The following NUDCD1 variants were observed in gnomAD, a reference collection of about 807,000 sequenced individuals.
The protein encoded by NUDCD1 is NudC domain containing 1.
In NUDCD1, 60 loss-of-function variants were observed where a neutral mutation model predicts 67.8. That is an observed-to-expected ratio of 0.88 (90% CI 0.72 to 1.10). The LOEUF is 1.10. NUDCD1 is among the 50% of genes least tolerant of loss of function. The probability of loss-of-function intolerance (pLI) is 0.00; values close to 1 mark genes in which losing one functional copy is unlikely to be tolerated. For missense variants in NUDCD1, 643 were observed against 695.0 expected, an observed-to-expected ratio of 0.93 and a Z score of 0.84; for synonymous variants, 244 against 230.8, an observed-to-expected ratio of 1.06 and a Z score of -0.52.
intron 2 of NUDCD1, chr8:109,298,658 G>A (rs1353990209): frequency 6.6e-6 from 1 of 151,974 alleles, no homozygotes; most frequent in Non-Finnish European, 1.5e-5. Context: ...TATAACCCAG[G>A]GCTAATATGT....
chr8:109,318,567 G>A (rs73700854), intron 2 of NUDCD1, among the ~76,000 whole-genome samples: 6,843 of 152,132 alleles, frequency 0.045, 516 homozygotes, highest in African/African-American at 0.15. Flanking sequence ...AGTAGAACAT[G>A]GGGCTAGCAA....
At chr8:109,250,598 G>A (rs906840799) in intron 8 of NUDCD1, among the ~76,000 whole-genome samples, 1 of 152,170 alleles carries the variant, frequency 6.6e-6, no homozygotes, top group Non-Finnish European at 1.5e-5. Context: ...CTTTTACCAT[G>A]AAGTATGGTG....
chr8:109,297,053 T>C (rs1814861398), intron 2 of NUDCD1, among the ~76,000 whole-genome samples: 1 of 152,224 alleles, frequency 6.6e-6, no homozygotes, highest in South Asian at 2.1e-4. Flanking sequence ...CCACCTGAAC[T>C]ACTCCCTGAT....
intron 1 of NUDCD1, among the ~76,000 whole-genome samples, chr8:109,326,156 G>C (rs1202225967): frequency 6.6e-6 from 1 of 152,170 alleles, no homozygotes; most frequent in African/African-American, 2.4e-5. Context: ...GGGCAATCCT[G>C]AACAAACTGG....
intron 9 of NUDCD1, 67 bp downstream of exon 9, chr8:109,245,255 T>G: frequency 6.9e-7 from 1 of 1,449,130 alleles, no homozygotes. Context: ...AAAAAAGAAA[T>G]GAACTTTAAA....
Position 109,242,136 on chromosome 8 carries a change from C to T in NUDCD1, c.*873G>A, listed in dbSNP as rs1184082976. ...CCATCCGCTGTCAGCTTGTGTAGTC[C>T]CCTCATTCTGACTCTAGACTTGGCC... On this transcript the variant is annotated 3_prime_UTR_variant, in exon 10 of 10. Coordinates refer to ENST00000239690, the MANE Select transcript of NUDCD1 (RefSeq NM_032869.4). The T allele has an allele frequency of 7.5e-6, 3 of 397,884 alleles. No homozygotes were observed. The highest frequency in any genetic ancestry group is 2.1e-5 in the African/African-American group (1 of 48,532). The allele number at this position is 397,884 out of a possible 1,614,324, so 24.6% of individuals were successfully genotyped here.
chr8:109,280,583 C>T (rs1249502386), intron 6 of NUDCD1, among the ~76,000 whole-genome samples: 1 of 152,162 alleles, frequency 6.6e-6, no homozygotes, highest in Non-Finnish European at 1.5e-5. Flanking sequence ...ACTTCTCACT[C>T]TACATCCTTT....
chr8:109,243,346 C>T, intron 9 of NUDCD1, 45 bp from the exon 10 acceptor site: 1 of 1,424,962 alleles, frequency 7.0e-7, no homozygotes, highest in South Asian at 1.4e-5. Flanking sequence ...ATATATTAAA[C>T]AGAAGGGGAA....
Position 109,261,400 on chromosome 8 carries a change from C to T in NUDCD1, c.1299+9605G>A, listed in dbSNP as rs189246575. Among the ~76,000 whole-genome samples, 50 of 151,996 alleles carry T rather than the reference C, an allele frequency of 3.3e-4. 1 individual carries two copies. Among genetic ancestry groups the T allele is most frequent in the Admixed American group, 3.1e-3 (47 of 15,274 alleles). On this transcript the variant is annotated intron_variant, in intron 8 of 9. Transcript: ENST00000239690. ...GATGAAAACTATGTAAGAGTCAAAACGAATGAAACTCAACTATACATGACA... is the reference window on the plus strand; with the variant it reads ...GATGAAAACTATGTAAGAGTCAAAATGAATGAAACTCAACTATACATGACA...
intron 8 of NUDCD1, among the ~76,000 whole-genome samples, chr8:109,247,788 G>C (rs1813532292): frequency 6.6e-6 from 1 of 152,088 alleles, no homozygotes; most frequent in South Asian, 2.1e-4. Context: ...CTTGAATTCT[G>C]AGAACTCCAG....
rs1814082949 is a variant in NUDCD1, at chr8:109,269,165, T to G, written c.1299+1840A>C. ...AAGCATCTATTATGAATCAGAACAT[T>G]TGGTAGGTGTTGAGGACACTGGTAA... On this transcript the variant is annotated intron_variant, in intron 8 of 9. Transcript: ENST00000239690. 2.0e-5 allele frequency among the ~76,000 whole-genome samples: 3 copies of G among 152,188 alleles called. No individual in the cohort carries two copies. In the South Asian group the frequency reaches 6.2e-4, roughly 31 times the overall value.
intron 1 of NUDCD1, among the ~76,000 whole-genome samples, chr8:109,326,842 T>C (rs914494189): frequency 1.8e-4 from 27 of 152,204 alleles, no homozygotes; most frequent in South Asian, 2.1e-4. Context: ...GTGGTTGGCA[T>C]TGGGCACAAA....
rs970489293 is a variant in NUDCD1, at chr8:109,296,666, A to G, written c.274-97T>C. On this transcript the variant is annotated intron_variant, in intron 2 of 9. Coordinates refer to ENST00000239690, the MANE Select transcript of NUDCD1 (RefSeq NM_032869.4). ...GGTGTGGTGGTTTCTCTCCTTTTTA[A>G]GAGTTGGAGTCTAATTCCTCTTCCT... 8.4e-6 allele frequency: 7 copies of G among 829,064 alleles called. No homozygotes were observed. In the African/African-American group the frequency reaches 8.7e-5, roughly 10 times the overall value. The allele number at this position is 829,064 out of a possible 1,614,324, so 51.4% of individuals were successfully genotyped here. A position where few individuals can be genotyped will look rare whatever the true frequency, so the allele number is the denominator to read the frequency against.
rs1425097527 is a variant in NUDCD1 at position 109,293,329 on chromosome 8, A to C, written c.640+15T>G. On this transcript the variant is annotated intron_variant, in intron 4 of 9. Transcript: ENST00000239690. ...AATGCCAACCAGTAGAGACAGATTC[A>C]GACTTTTGTTTTACCTTGATTTTTC... 1 of 1,461,452 alleles carries C rather than the reference A, an allele frequency of 6.8e-7. No individual in the cohort carries two copies. The highest frequency in any genetic ancestry group is 9.3e-7 in the Non-Finnish European group (1 of 1,076,008). 90.5% of individuals were successfully genotyped at this position (1,461,452 alleles called of 1,614,324 possible).
intron 4 of NUDCD1, among the ~76,000 whole-genome samples, chr8:109,291,182 G>C (rs1325978026): frequency 6.6e-6 from 1 of 152,134 alleles, no homozygotes; most frequent in African/African-American, 2.4e-5. Context: ...TTTGAGACAG[G>C]GTCTTACCCT....
chr8:109,271,316 A>C (rs1233267360), intron 7 of NUDCD1, among the ~76,000 whole-genome samples, 186 bp from the exon 8 acceptor site: 3 of 152,196 alleles, frequency 2.0e-5, no homozygotes, highest in African/African-American at 7.2e-5. Flanking sequence ...AGGATATGAA[A>C]ACAGGTATTA....
chr8:109,323,554 A>G (rs1815590415), intron 1 of NUDCD1, among the ~76,000 whole-genome samples: 1 of 152,076 alleles, frequency 6.6e-6, no homozygotes, highest in Non-Finnish European at 1.5e-5. Context: ...AAGAATAATC[A>G]CTGGGTACCA....
At chr8:109,327,204 G>A (rs910657523) in intron 1 of NUDCD1, among the ~76,000 whole-genome samples, 14 of 152,130 alleles carry the variant, frequency 9.2e-5, no homozygotes, top group African/African-American at 3.4e-4. Context: ...ATTCTAAAGC[G>A]AGACTTAAAG....
intron 5 of NUDCD1, among the ~76,000 whole-genome samples, chr8:109,289,363 T>G (rs1471928629): frequency 1.3e-5 from 2 of 152,168 alleles, no homozygotes; most frequent in African/African-American, 4.8e-5. Context: ...TTACTTTCAG[T>G]TTAGTATAAA....
Sources: gnomAD v4.1 joint callset for allele counts (sites outside exome capture counted in the v4.1 genomes callset) on GRCh38, gnomAD v4.1.1 for gene constraint, MANE v1.5 for transcripts, NCBI Gene and HGNC (gene_info 2026-07-23, HGNC 2026-07-21) for gene names.